Variants in TMEM120B observed in about 807,000 individuals in gnomAD.
TMEM120B encodes transmembrane protein 120B.
A neutral mutation model predicts 55.5 loss-of-function variants in TMEM120B; 31 were observed. That is an observed-to-expected ratio of 0.56 (90% CI 0.42 to 0.75). The LOEUF (loss-of-function observed/expected upper bound fraction) is 0.75. TMEM120B is among the 30% of genes least tolerant of loss of function. The probability of loss-of-function intolerance (pLI) is 0.00; values close to 1 mark genes in which losing one functional copy is unlikely to be tolerated. For missense variants in TMEM120B, 399 were observed against 425.5 expected (o/e 0.94, Z 0.55); for synonymous variants, 203 against 176.3 (o/e 1.15, Z -1.20).
intron 9 of TMEM120B, among the ~76,000 whole-genome samples, chr12:121,773,717 C>T (rs1874139905): frequency 6.6e-6 from 1 of 151,882 alleles, no homozygotes; most frequent in South Asian, 2.1e-4. Flanking sequence ...GAGGGCAGGG[C>T]CTCTGTCTCA....
Position 121,759,122 on chromosome 12 carries a change from G to GTTTT in TMEM120B, c.462-2516_462-2513dup, listed in dbSNP as rs367619585. Reference sequence around the variant, plus strand: ...TAAAATAGAACATAGAGTGTCTACTGTTTTTTTTTTTTTTCTGAGGTGGAG... The same window carrying GTTTT: ...TAAAATAGAACATAGAGTGTCTACTGTTTTTTTTTTTTTTTTTTCTGAGGTGGAG... On this transcript the variant is annotated intron_variant, in intron 5 of 11. Transcript: ENST00000449592. 4.7e-3 allele frequency: 3,092 copies of GTTTT among 660,574 alleles called. 1 individual carries two copies. The highest frequency in any genetic ancestry group is 0.016 in the South Asian group (232 of 14,536). The allele number at this position is 660,574 out of a possible 1,614,324, so 40.9% of individuals were successfully genotyped here. A position where few individuals can be genotyped will look rare whatever the true frequency, so the allele number is the denominator to read the frequency against.
intron 1 of TMEM120B, among the ~76,000 whole-genome samples, chr12:121,728,235 A>G (rs1894934226): frequency 6.6e-6 from 1 of 151,634 alleles, no homozygotes. Flanking sequence ...CACGCCTGTA[A>G]TGCCAGCACT....
intron 5 of TMEM120B, among the ~76,000 whole-genome samples, chr12:121,755,527 G>GT: frequency 6.6e-6 from 1 of 152,224 alleles, no homozygotes; most frequent in East Asian, 1.9e-4. Context: ...TTTGGCTCGA[G>GT]TGGGCTTGGG....
intron 5 of TMEM120B, among the ~76,000 whole-genome samples, chr12:121,759,377 A>G (rs1455551255): frequency 6.6e-6 from 1 of 152,060 alleles, no homozygotes; most frequent in Non-Finnish European, 1.5e-5. Flanking sequence ...AGCAGGAGTG[A>G]AAGTATATTA....
At chr12:121,754,113 G>C (rs1022428160) in intron 5 of TMEM120B, among the ~76,000 whole-genome samples, 1 of 152,248 alleles carries the variant, frequency 6.6e-6, no homozygotes, top group Non-Finnish European at 1.5e-5. Context: ...CTGGGCATCC[G>C]GCTGCTGGTC....
intron 5 of TMEM120B, chr12:121,758,056 C>A: frequency 1.8e-6 from 1 of 553,094 alleles, no homozygotes; most frequent in Non-Finnish European, 2.3e-6. Context: ...GAGATTAAGG[C>A]TACAGTGGGC....
chr12:121,764,156 T>C (rs1873769902), intron 6 of TMEM120B, among the ~76,000 whole-genome samples: 1 of 142,646 alleles, frequency 7.0e-6, no homozygotes, highest in African/African-American at 2.8e-5. Context: ...GATTTCATCT[T>C]TACCAAAAAA....
intron 3 of TMEM120B, among the ~76,000 whole-genome samples, chr12:121,749,004 G>C (rs975882820): frequency 1.3e-5 from 2 of 152,182 alleles, no homozygotes; most frequent in African/African-American, 4.8e-5. Flanking sequence ...TGGAGAGAGA[G>C]AGCTGCTTAC....
At chr12:121,751,119 A>C (rs1592938607) in intron 4 of TMEM120B, among the ~76,000 whole-genome samples, 1 of 95,090 alleles carries the variant, frequency 1.1e-5, no homozygotes, top group Non-Finnish European at 2.2e-5. Flanking sequence ...CCAAACCCAA[A>C]CCCACACCCC....
At chr12:121,720,210 C>T (rs969593413) in intron 1 of TMEM120B, among the ~76,000 whole-genome samples, 1 of 152,124 alleles carries the variant, frequency 6.6e-6, no homozygotes, top group Non-Finnish European at 1.5e-5. Context: ...CACCCAAATG[C>T]GTGCCTCCCA....
rs756961883 is a variant in TMEM120B, at chr12:121,781,300, TC to T, written c.*5580del. ...GTGACCCTGCCTTAGGGCCTCAATTTCCTCATCTATACAATGGGCAGCAAGC... is the reference window on the plus strand; with the variant it reads ...GTGACCCTGCCTTAGGGCCTCAATTTCTCATCTATACAATGGGCAGCAAGC... On this transcript the variant is annotated 3_prime_UTR_variant, in exon 12 of 12. Coordinates refer to ENST00000449592, the MANE Select transcript of TMEM120B (RefSeq NM_001080825.2). 9 of 919,972 alleles carry T rather than the reference TC, an allele frequency of 9.8e-6. No homozygotes were observed. The highest frequency in any genetic ancestry group is 1.5e-5 in the Non-Finnish European group (9 of 594,838). The allele number at this position is 919,972 out of a possible 1,614,324, so 57.0% of individuals were successfully genotyped here.
rs191168768 is a variant in TMEM120B at position 121,751,648 on chromosome 12, C to T, written c.366-480C>T. 2.3e-3 allele frequency among the ~76,000 whole-genome samples: 306 copies of T among 135,896 alleles called. 1 individual carries two copies. The highest frequency in any genetic ancestry group is 3.5e-3 in the Non-Finnish European group (221 of 62,584). 89.2% of individuals were successfully genotyped at this position (135,896 alleles called of 152,430 possible). A position where few individuals can be genotyped will look rare whatever the true frequency, so the allele number is the denominator to read the frequency against. On this transcript the variant is annotated intron_variant, in intron 4 of 11. Transcript: ENST00000449592. ...CCTTGGTTCCTTCCCTTCCTTCCCTCCCTCCCCTCCCTCCCCTCCCTCCCT... is the reference window on the plus strand; with the variant it reads ...CCTTGGTTCCTTCCCTTCCTTCCCTTCCTCCCCTCCCTCCCCTCCCTCCCT...
Position 121,781,043 on chromosome 12 carries a change from G to C in TMEM120B, c.*5321G>C. 6.2e-7 allele frequency: 1 copy of C among 1,613,702 alleles called. No homozygotes were observed. Among genetic ancestry groups the C allele is most frequent in the Non-Finnish European group, 8.5e-7 (1 of 1,179,682 alleles). ...GGAGGCGGGATCAGGGGTGCGGCCGGGCCCAGATGTGGGGCCACCACCCAG... is the reference window on the plus strand; with the variant it reads ...GGAGGCGGGATCAGGGGTGCGGCCGCGCCCAGATGTGGGGCCACCACCCAG... On this transcript the variant is annotated 3_prime_UTR_variant, in exon 12 of 12. Coordinates refer to ENST00000449592, the MANE Select transcript of TMEM120B (RefSeq NM_001080825.2).
At chr12:121,762,406 G>A (rs561291846) in intron 6 of TMEM120B, among the ~76,000 whole-genome samples, 2 of 152,138 alleles carry the variant, frequency 1.3e-5, no homozygotes, top group Non-Finnish European at 2.9e-5. Context: ...GCAACTCCAG[G>A]CTCATGTCAC....
In TMEM120B at chr12:121,775,641, C is replaced by T. The variant is rs1874216550; in HGVS notation, c.939C>T (p.Leu313=). 4 of 1,614,038 alleles carry T rather than the reference C, an allele frequency of 2.5e-6. No individual in the cohort carries two copies. In the East Asian group the frequency reaches 6.7e-5, roughly 27 times the overall value. The change falls in exon 12 of 12, where the codon CTC becomes CTT. Residue 313 remains leucine (L), a synonymous_variant. Transcript: ENST00000449592. This position sits in a 1 kb window ranked among gnomAD's most constrained non-coding sequence, Gnocchi z 4.3. ...VFVLAFTFLI[L]FLGNFLTTLK... is the part of the protein sequence containing the mutation. The stretch of plus-strand genomic sequence containing the variant: ...TACTGGCGTTCACCTTCCTCATCCT[C>T]TTCCTCGGCAACTTCCTGACCACGC...
At chr12:121,760,352 G>A (rs1187648219) in intron 5 of TMEM120B, among the ~76,000 whole-genome samples, 1 of 150,608 alleles carries the variant, frequency 6.6e-6, no homozygotes, top group East Asian at 1.9e-4. Flanking sequence ...GCATCTTGGA[G>A]GACAAGTGTG....
intron 5 of TMEM120B, among the ~76,000 whole-genome samples, chr12:121,755,533 T>C (rs2137240404): frequency 6.6e-6 from 1 of 152,304 alleles, no homozygotes; most frequent in South Asian, 2.1e-4. Context: ...TCGAGTGGGC[T>C]TGGGTTTGGA....
chr12:121,718,264 C>T (rs1894736232), intron 1 of TMEM120B, among the ~76,000 whole-genome samples: 1 of 152,120 alleles, frequency 6.6e-6, no homozygotes, highest in African/African-American at 2.4e-5. Flanking sequence ...GGGCAGAGCA[C>T]TTTGAGCTTA....
rs1894624020 is a variant in TMEM120B, at chr12:121,712,813, C to G, written c.-83C>G. On this transcript the variant is annotated 5_prime_UTR_variant, in exon 1 of 12. Coordinates refer to ENST00000449592, the MANE Select transcript of TMEM120B (RefSeq NM_001080825.2). ...GGTGCCTCCGAGGGCGGTCGGCGAG[C>G]GCGCGGGCGTGGGGCGCTGGGGGGC... The G allele has an allele frequency of 9.3e-7, 1 of 1,075,828 alleles. No homozygotes were observed. Among genetic ancestry groups the G allele is most frequent in the Non-Finnish European group, 1.2e-6 (1 of 831,526 alleles). 66.6% of individuals were successfully genotyped at this position (1,075,828 alleles called of 1,614,324 possible).
Sources: allele counts gnomAD v4.1 joint callset (sites outside exome capture counted in the v4.1 genomes callset), GRCh38; gene constraint gnomAD v4.1.1; non-coding constraint Gnocchi (gnomAD v3.1); transcripts MANE v1.5; gene names NCBI Gene and HGNC (gene_info 2026-07-23, HGNC 2026-07-21).